Variants in PPP1R12B observed in about 807,000 individuals in gnomAD.
PPP1R12B encodes the protein myosin phosphatase target subunit 2.
In PPP1R12B, 76 loss-of-function variants were observed where a neutral mutation model predicts 126.1. The ratio of observed to expected loss-of-function variants is 0.60; its 90% CI spans 0.50 to 0.73. The LOEUF is 0.73. PPP1R12B is among the 30% of genes least tolerant of loss of function. The probability of loss-of-function intolerance (pLI) is 0.00; values close to 1 mark genes in which losing one functional copy is unlikely to be tolerated. For synonymous variants in PPP1R12B, 356 were observed against 434.7 expected, an observed-to-expected ratio of 0.82 and a Z score of 2.25; for missense variants, 1,052 against 1,205.1, an observed-to-expected ratio of 0.87 and a Z score of 1.88.
chr1:202,452,892 C>G (rs1673186932), intron 13 of PPP1R12B, among the ~76,000 whole-genome samples: 1 of 151,342 alleles, frequency 6.6e-6, no homozygotes, highest in Non-Finnish European at 1.5e-5. Context: ...GTCTCAAACT[C>G]CTGGGGTCAA....
intron 1 of PPP1R12B, among the ~76,000 whole-genome samples, chr1:202,368,390 C>T (rs1156855841): frequency 6.6e-6 from 1 of 152,156 alleles, no homozygotes; most frequent in East Asian, 1.9e-4. Flanking sequence ...CTGAGGCCTC[C>T]CCAGGAGCCA....
intron 13 of PPP1R12B, among the ~76,000 whole-genome samples, chr1:202,453,727 GAC>G (rs945227206): frequency 1.3e-5 from 2 of 148,692 alleles, no homozygotes; most frequent in Non-Finnish European, 3.0e-5. Context: ...TTTTTATAAA[GAC>G]ACATTTTGAG....
At chr1:202,504,627 G>A (rs1680615306) in intron 18 of PPP1R12B, among the ~76,000 whole-genome samples, 1 of 152,134 alleles carries the variant, frequency 6.6e-6, no homozygotes. Flanking sequence ...TGTAGTCCTA[G>A]TGCACAGCTG....
intron 18 of PPP1R12B, among the ~76,000 whole-genome samples, chr1:202,543,443 T>A (rs1367936974): frequency 1.3e-5 from 2 of 152,130 alleles, no homozygotes; most frequent in Non-Finnish European, 1.5e-5. Context: ...ACATGGTTTT[T>A]AAAAATATAC....
rs186983889 is a variant in PPP1R12B at position 202,558,667 on chromosome 1, T to C, written c.2491-210T>C. The C allele has an allele frequency of 3.1e-3, 1,573 of 499,912 alleles. 3 individuals are homozygous for C. Among genetic ancestry groups the C allele is most frequent in the Non-Finnish European group, 4.5e-3 (1,281 of 283,070 alleles). 31.0% of individuals were successfully genotyped at this position (499,912 alleles called of 1,614,324 possible). On this transcript the variant is annotated intron_variant, in intron 18 of 23. Transcript: ENST00000608999. ...GCCTCAAATCTAGTGAATCATGGCA[T>C]GCAAAGAAGTGTGAACTAGGGCTAA...
chr1:202,462,081 C>T (rs374484098), intron 13 of PPP1R12B, among the ~76,000 whole-genome samples: 5 of 152,128 alleles, frequency 3.3e-5, no homozygotes, highest in Non-Finnish European at 7.4e-5. Flanking sequence ...CTAAGGTGAG[C>T]ATGTTTTAAA....
chr1:202,507,525 T>C (rs1315780785), intron 18 of PPP1R12B, among the ~76,000 whole-genome samples: 1 of 152,206 alleles, frequency 6.6e-6, no homozygotes, highest in South Asian at 2.1e-4. Context: ...ATAACTATAC[T>C]TTTCAGAAGA....
chr1:202,452,167 C>T (rs1673062564), intron 13 of PPP1R12B, among the ~76,000 whole-genome samples: 1 of 152,218 alleles, frequency 6.6e-6, no homozygotes, highest in African/African-American at 2.4e-5. Flanking sequence ...GCAGAGGCTG[C>T]AATCTCGGCA....
At chr1:202,571,448 T>C (rs1434699890) in intron 23 of PPP1R12B, among the ~76,000 whole-genome samples, 1 of 151,806 alleles carries the variant, frequency 6.6e-6, no homozygotes, top group Admixed American at 6.6e-5. Flanking sequence ...GTTTTTTGTT[T>C]TTTTTTTCTC....
At chr1:202,535,583 T>C (rs1484227424) in intron 18 of PPP1R12B, among the ~76,000 whole-genome samples, 2 of 152,222 alleles carry the variant, frequency 1.3e-5, no homozygotes, top group African/African-American at 4.8e-5. Flanking sequence ...TTGAGCCGAC[T>C]ACCTGGTGCT....
intron 11 of PPP1R12B, among the ~76,000 whole-genome samples, chr1:202,441,498 C>G (rs557842119): frequency 6.0e-4 from 92 of 152,238 alleles, no homozygotes; most frequent in African/African-American, 2.0e-3. Flanking sequence ...TCAGGCCCTA[C>G]TCCAGATCTA....
chr1:202,549,396 A>G (rs1207848263), intron 18 of PPP1R12B, among the ~76,000 whole-genome samples: 2 of 149,514 alleles, frequency 1.3e-5, no homozygotes, highest in African/African-American at 2.5e-5. Flanking sequence ...ATGGTCTAAC[A>G]TTTGATTGCA....
At chr1:202,356,821 CTT>C (rs532654783) in intron 1 of PPP1R12B, among the ~76,000 whole-genome samples, 40 of 139,730 alleles carry the variant, frequency 2.9e-4, no homozygotes, top group Admixed American at 9.4e-4. Flanking sequence ...TGATTTCAGA[CTT>C]TTTTTTTTTT....
chr1:202,532,838 C>T (rs1246912906), intron 18 of PPP1R12B, among the ~76,000 whole-genome samples: 1 of 146,976 alleles, frequency 6.8e-6, no homozygotes, highest in African/African-American at 2.5e-5. Flanking sequence ...GCTGTATACC[C>T]TTTACCTAGA....
At chr1:202,527,980 T>G (rs1187572235) in intron 18 of PPP1R12B, among the ~76,000 whole-genome samples, 3 of 152,204 alleles carry the variant, frequency 2.0e-5, no homozygotes, top group Non-Finnish European at 4.4e-5. Flanking sequence ...TTTTAAGGAT[T>G]GGACCTTTGA....
At chr1:202,553,173 G>A (rs1201810691) in intron 18 of PPP1R12B, among the ~76,000 whole-genome samples, 1 of 152,194 alleles carries the variant, frequency 6.6e-6, no homozygotes, top group South Asian at 2.1e-4. Flanking sequence ...TAAAACTATG[G>A]TCTATCCAGC....
At chr1:202,392,776 C>T (rs566029345) in intron 1 of PPP1R12B, among the ~76,000 whole-genome samples, 1 of 152,020 alleles carries the variant, frequency 6.6e-6, no homozygotes, top group African/African-American at 2.4e-5. Flanking sequence ...ATCCACCTGC[C>T]TAAGCCTCCC....
intron 18 of PPP1R12B, among the ~76,000 whole-genome samples, chr1:202,507,582 T>A (rs1164924799): frequency 6.6e-6 from 1 of 152,202 alleles, no homozygotes; most frequent in African/African-American, 2.4e-5. Context: ...TTTCCAAAGT[T>A]TTTCTTTTTA....
intron 12 of PPP1R12B, among the ~76,000 whole-genome samples, chr1:202,446,468 T>C (rs1296327616): frequency 6.7e-6 from 1 of 148,706 alleles, no homozygotes; most frequent in Non-Finnish European, 1.5e-5. Flanking sequence ...TTATCCAGGA[T>C]GAGGATGATC....
Sources: gnomAD v4.1 joint callset for allele counts (sites outside exome capture counted in the v4.1 genomes callset) on GRCh38, gnomAD v4.1.1 for gene constraint, MANE v1.5 for transcripts, NCBI Gene and HGNC (gene_info 2026-07-23, HGNC 2026-07-21) for gene names.